The following THADA variants were observed in gnomAD, a reference collection of about 807,000 sequenced individuals.
THADA encodes THADA armadillo repeat containing, also known as tRNA (32-2'-O)-methyltransferase regulator THADA.
In THADA, 213 loss-of-function variants were observed where a neutral mutation model predicts 219.8. The observed-to-expected ratio is 0.97, with a 90% CI of 0.87 to 1.09. The LOEUF is 1.09. Among genes scored for constraint, THADA ranks in the 50% least tolerant of loss-of-function variants. The pLI is 0.00. For missense variants in THADA, 2,956 were observed against 2,311.3 expected (o/e 1.28, Z -5.72); for synonymous variants, 1,018 against 828.9 (o/e 1.23, Z -3.92).
chr2:43,580,071 C>A (rs1700259830), intron 8 of THADA, among the ~76,000 whole-genome samples: 1 of 141,798 alleles, frequency 7.1e-6, no homozygotes. Flanking sequence ...TGTTGCCAGG[C>A]TGGAGTGCAG....
intron 26 of THADA, among the ~76,000 whole-genome samples, chr2:43,472,912 G>C (rs1335187887): frequency 6.6e-6 from 1 of 152,038 alleles, no homozygotes; most frequent in African/African-American, 2.4e-5. Context: ...TATGCTATAA[G>C]AGATAAAAAA....
intron 31 of THADA, among the ~76,000 whole-genome samples, chr2:43,297,956 G>GGGA: frequency 1.1e-5 from 1 of 93,330 alleles, no homozygotes; most frequent in African/African-American, 6.7e-5. Flanking sequence ...AGGTGGGGGG[G>GGGA]TCAGCCCCCC....
intron 28 of THADA, among the ~76,000 whole-genome samples, chr2:43,403,086 T>C (rs1259158983): frequency 6.6e-6 from 1 of 152,246 alleles, no homozygotes; most frequent in Admixed American, 6.5e-5. Context: ...ATTAACCTTA[T>C]TTTAAGATGA....
chr2:43,395,418 C>T (rs1673907087), intron 29 of THADA, among the ~76,000 whole-genome samples: 1 of 152,180 alleles, frequency 6.6e-6, no homozygotes, highest in African/African-American at 2.4e-5. Context: ...ACAATAACCC[C>T]TGTCCCTCTC....
intron 21 of THADA, among the ~76,000 whole-genome samples, chr2:43,532,687 G>A (rs1469921793): frequency 5.9e-5 from 9 of 151,952 alleles, no homozygotes; most frequent in East Asian, 3.9e-4. Context: ...TTTGAAAACC[G>A]GCACAAGACA....
chr2:43,232,134 A>C (rs1179535820), intron 37 of THADA, among the ~76,000 whole-genome samples: 1 of 152,186 alleles, frequency 6.6e-6, no homozygotes, highest in Non-Finnish European at 1.5e-5. Context: ...AGCAGTCTCC[A>C]TAATAAAACT....
chr2:43,431,196 T>C lies in THADA; in HGVS notation c.3837-894A>G, dbSNP rs189253173. Among the ~76,000 whole-genome samples, 25 of 152,304 alleles carry C rather than the reference T, an allele frequency of 1.6e-4. No homozygotes were observed. The East Asian group carries it at 3.1e-3, about 19-fold the overall frequency. ...GCTCTACATGTTATGTTCCTATTAA[T>C]TGAAATCCAGAATATCACATTTTAA... On this transcript the variant is annotated intron_variant, in intron 26 of 37. Coordinates refer to ENST00000405975, the MANE Select transcript of THADA (RefSeq NM_022065.5).
chr2:43,332,843 T>C (rs1184055662), intron 30 of THADA, among the ~76,000 whole-genome samples: 1 of 152,200 alleles, frequency 6.6e-6, no homozygotes, highest in Non-Finnish European at 1.5e-5. Flanking sequence ...CAGATTTCTA[T>C]ATTTAAAAAG....
chr2:43,311,333 C>T (rs1011936617), intron 31 of THADA, among the ~76,000 whole-genome samples: 4 of 152,162 alleles, frequency 2.6e-5, no homozygotes, highest in African/African-American at 2.4e-5. Flanking sequence ...GATCCCAGCA[C>T]TAGGATGGCT....
At chr2:43,587,845 C>T (rs7568901) in intron 4 of THADA, among the ~76,000 whole-genome samples, 20,051 of 152,134 alleles carry the variant, frequency 0.13, 1,460 homozygotes, top group African/African-American at 0.19. Flanking sequence ...ACACAGTAGG[C>T]AGTCAATAAA....
chr2:43,561,016 CAAAAAAAA>C (rs3042329), intron 15 of THADA, among the ~76,000 whole-genome samples: 4 of 92,360 alleles, frequency 4.3e-5, no homozygotes, highest in Non-Finnish European at 9.2e-5. Flanking sequence ...GACTTGGTCT[CAAAAAAAA>C]AAAAAAAAAA....
intron 30 of THADA, among the ~76,000 whole-genome samples, chr2:43,334,474 T>C (rs1238616957): frequency 1.3e-5 from 2 of 152,324 alleles, no homozygotes; most frequent in Non-Finnish European, 1.5e-5. Context: ...CACTGTTTTA[T>C]GCAAAAAATT....
At chr2:43,262,935 CCCCA>C (rs1476935371) in intron 36 of THADA, among the ~76,000 whole-genome samples, 5 of 152,202 alleles carry the variant, frequency 3.3e-5, no homozygotes, top group Non-Finnish European at 7.3e-5. Context: ...GGCGTCCCCT[CCCCA>C]CTTCTGTGTA....
intron 29 of THADA, among the ~76,000 whole-genome samples, chr2:43,386,920 A>G (rs1672763159): frequency 6.7e-6 from 1 of 149,524 alleles, no homozygotes; most frequent in Non-Finnish European, 1.5e-5. Flanking sequence ...AAAAAGCATA[A>G]TTACTATCTC....
intron 28 of THADA, among the ~76,000 whole-genome samples, chr2:43,418,341 C>T (rs376269167): frequency 1.3e-5 from 2 of 152,190 alleles, no homozygotes; most frequent in Non-Finnish European, 1.5e-5. Flanking sequence ...GGAGCGCTTT[C>T]AGAAGTCAGT....
chr2:43,394,856 T>C (rs980844728), intron 29 of THADA, among the ~76,000 whole-genome samples: 6 of 152,164 alleles, frequency 3.9e-5, no homozygotes, highest in Admixed American at 2.0e-4. Context: ...AACAACCACA[T>C]TTGCTGGCTT....
chr2:43,329,565 A>G (rs1316060537), intron 30 of THADA, among the ~76,000 whole-genome samples: 1 of 152,244 alleles, frequency 6.6e-6, no homozygotes, highest in Non-Finnish European at 1.5e-5. Flanking sequence ...TTCTTATTTT[A>G]TCTTTATAAA....
intron 31 of THADA, among the ~76,000 whole-genome samples, chr2:43,310,226 G>GC (rs71410163): frequency 0.23 from 12,556 of 53,880 alleles, 978 homozygotes; most frequent in South Asian, 0.39. Context: ...TCCCTTTCCC[G>GC]CCCCCCCCCC....
intron 22 of THADA, among the ~76,000 whole-genome samples, chr2:43,512,402 A>C (rs961490132): frequency 2.0e-5 from 3 of 152,208 alleles, no homozygotes; most frequent in Non-Finnish European, 4.4e-5. Flanking sequence ...ATACAAGGGA[A>C]TTTGGTCCAA....
Sources: allele counts gnomAD v4.1 joint callset (sites outside exome capture counted in the v4.1 genomes callset), GRCh38; gene constraint gnomAD v4.1.1; transcripts MANE v1.5; gene names NCBI Gene and HGNC (gene_info 2026-07-23, HGNC 2026-07-21).